Variants in CCN5 observed in about 807,000 individuals in gnomAD.
CCN5 encodes cellular communication network factor 5, also known as CCN family member 5.
In CCN5, 17 loss-of-function variants were observed where a neutral mutation model predicts 18.7. The observed-to-expected ratio is 0.91, with a 90% CI of 0.62 to 1.36. The LOEUF is 1.36. Ranked by LOEUF, CCN5 falls within the 40% of genes most tolerant of loss-of-function variation. CCN5 has a pLI of 0.00. For synonymous variants in CCN5, 135 were observed against 145.2 expected, an observed-to-expected ratio of 0.93 and a Z score of 0.50; for missense variants, 367 against 342.9, an observed-to-expected ratio of 1.07 and a Z score of -0.56.
intron 2 of CCN5, among the ~76,000 whole-genome samples, chr20:44,722,626 C>T (rs1368979686): frequency 6.6e-6 from 1 of 152,052 alleles, no homozygotes; most frequent in Non-Finnish European, 1.5e-5. Flanking sequence ...ACCACCATGC[C>T]TCGCTAATTT....
In CCN5 at chr20:44,727,083, CT is replaced by C. The variant is rs759496885; in HGVS notation, c.533-3del. 62 of 1,576,142 alleles carry C rather than the reference CT, an allele frequency of 3.9e-5. No homozygotes were observed. Among genetic ancestry groups the C allele is most frequent in the Non-Finnish European group, 4.7e-5 (54 of 1,158,696 alleles). On this transcript the variant is annotated splice_polypyrimidine_tract_variant and splice_region_variant and intron_variant, in intron 3 of 3. Coordinates refer to ENST00000190983, the MANE Select transcript of CCN5 (RefSeq NM_003881.4). ...AGTGCTAACTCTTGTTCTTTCCCCC[CT>C]AGGACCCCAGTTTTCTGGCCTTGTC...
In CCN5 at chr20:44,724,813, G is replaced by A; in HGVS notation, c.353G>A (p.Ser118Asn). The change falls in exon 3 of 4, where the codon AGC becomes AAC. Residue 118 changes from serine to asparagine, a missense_variant. Ser to Asn is a conservative substitution (Grantham distance 46). Coordinates refer to ENST00000190983, the MANE Select transcript of CCN5 (RefSeq NM_003881.4). ...GGGGAGACCTTCCAGCCCCACTGCAGCATCCGCTGCCGCTGCGAGGACGGC... is the reference window on the plus strand; with the variant it reads ...GGGGAGACCTTCCAGCCCCACTGCAACATCCGCTGCCGCTGCGAGGACGGC... ...REGETFQPHC[S>N]IRCRCEDGGF... 1 of 1,611,202 alleles carries A rather than the reference G, an allele frequency of 6.2e-7. No individual in the cohort carries two copies.
chr20:44,727,466 C>A lies in CCN5; in HGVS notation c.*159C>A. 1 of 1,434,278 alleles carries A rather than the reference C, an allele frequency of 7.0e-7. No homozygotes were observed. The allele number at this position is 1,434,278 out of a possible 1,614,324, so 88.8% of individuals were successfully genotyped here. A position where few individuals can be genotyped will look rare whatever the true frequency, so the allele number is the denominator to read the frequency against. On this transcript the variant is annotated 3_prime_UTR_variant, in exon 4 of 4. Transcript: ENST00000190983. The stretch of plus-strand genomic sequence containing the variant: ...GCAGAACACCAATATTAACACGCTG[C>A]CTGGTCTGTCTGGATCCCGAGGTAT...
At chr20:44,722,460 T>TCA (rs2065906259) in intron 2 of CCN5, among the ~76,000 whole-genome samples, 2 of 57,824 alleles carry the variant, frequency 3.5e-5, no homozygotes, top group Non-Finnish European at 1.2e-4. Context: ...TCTCTATCTC[T>TCA]CTCTCTTTTT....
At chr20:44,721,919 G>C (rs1048970722) in intron 2 of CCN5, among the ~76,000 whole-genome samples, 1 of 152,242 alleles carries the variant, frequency 6.6e-6, no homozygotes, top group African/African-American at 2.4e-5. Flanking sequence ...AACTCAGGGA[G>C]CTGGCTCCAC....
Position 44,720,126 on chromosome 20 carries a change from G to C in CCN5, c.277+13G>C. On this transcript the variant is annotated intron_variant, in intron 2 of 3. Transcript: ENST00000190983. ...GCCCTGTGCCTCTGTAAGCAGGTTT[G>C]CAGGACTGAGTGGGGGCGGGTGTGA... is the stretch of plus-strand genomic sequence containing the variant. The C allele has an allele frequency of 6.5e-7, 1 of 1,540,932 alleles. No homozygotes were observed.
chr20:44,723,834 G>A (rs898875918), intron 2 of CCN5: 1 of 152,244 alleles, frequency 6.6e-6, no homozygotes. Flanking sequence ...GGAATGATAA[G>A]GAGTAGGGCT....
chr20:44,721,880 C>T (rs1045769165), intron 2 of CCN5, among the ~76,000 whole-genome samples: 2 of 152,238 alleles, frequency 1.3e-5, no homozygotes, highest in African/African-American at 4.8e-5. Context: ...CAAGGTCACA[C>T]AGCTCATAAG....
intron 1 of CCN5, chr20:44,716,483 G>C (rs937530897): frequency 7.9e-5 from 12 of 152,432 alleles, no homozygotes; most frequent in African/African-American, 2.9e-4. Context: ...TCTTCCAAAG[G>C]GGATGGGTAG....
rs752252200 is a variant in CCN5 at position 44,727,201 on chromosome 20, T to C, written c.647T>C (p.Val216Ala). The C allele has an allele frequency of 5.0e-6, 8 of 1,613,558 alleles. No homozygotes were observed. Among genetic ancestry groups the C allele is most frequent in the Non-Finnish European group, 5.9e-6 (7 of 1,180,006 alleles). The change falls in exon 4 of 4, where the codon GTG (valine) becomes GCG (alanine). Residue 216 changes from valine (V) to alanine (A), a missense_variant. Physicochemically the swap from Val to Ala is moderately conservative, Grantham distance 64. Transcript: ENST00000190983. ...TTCGLGMATRVSNQNRFCRLE... is the reference protein window; with the variant it reads ...TTCGLGMATRASNQNRFCRLE... ...TGTGGGCTGGGCATGGCCACCCGGG[T>C]GTCCAACCAGAACCGCTTCTGCCGA...
chr20:44,720,011 C>T lies in CCN5; in HGVS notation c.175C>T (p.Arg59Trp), dbSNP rs369900184. ...TGGCTGCTGCCGGGTATGTGCACGG[C>T]GGCTGGGGGAGCCCTGCGACCAACT... The part of the protein sequence containing the change: ...GCGCCRVCAR[R>W]LGEPCDQLHV... The change falls in exon 2 of 4, where the codon CGG (arginine) becomes TGG (tryptophan). Residue 59 changes from arginine (R) to tryptophan (W), a missense_variant. Arg to Trp is a moderately radical substitution (Grantham distance 101). Coordinates refer to ENST00000190983, the MANE Select transcript of CCN5 (RefSeq NM_003881.4). The T allele has an allele frequency of 4.5e-5, 73 of 1,609,242 alleles. No homozygotes were observed. Among genetic ancestry groups the T allele is most frequent in the Admixed American group, 1.2e-4 (7 of 59,766 alleles).
At chr20:44,721,925 T>C (rs1481746339) in intron 2 of CCN5, among the ~76,000 whole-genome samples, 1 of 152,224 alleles carries the variant, frequency 6.6e-6, no homozygotes, top group Non-Finnish European at 1.5e-5. Flanking sequence ...GGGAGCTGGC[T>C]CCACAAGCTC....
Position 44,724,836 on chromosome 20 carries a change from G to C in CCN5, c.376G>C (p.Gly126Arg), listed in dbSNP as rs1165961240. The change falls in exon 3 of 4, where the codon GGC (glycine) becomes CGC (arginine). Residue 126 changes from glycine to arginine, a missense_variant. Gly to Arg is a moderately radical substitution (Grantham distance 125, BLOSUM62 -2). Coordinates refer to ENST00000190983, the MANE Select transcript of CCN5 (RefSeq NM_003881.4). Reference protein sequence around the residue: ...HCSIRCRCEDGGFTCVPLCSE... With the variant: ...HCSIRCRCEDRGFTCVPLCSE... ...CAGCATCCGCTGCCGCTGCGAGGAC[G>C]GCGGCTTCACCTGCGTGCCGCTGTG... is the stretch of plus-strand genomic sequence containing the variant. 3.1e-6 allele frequency: 5 copies of C among 1,603,986 alleles called. No homozygotes were observed. The highest frequency in any genetic ancestry group is 1.7e-5 in the Admixed American group (1 of 58,320).
chr20:44,715,573 T>A, intron 1 of CCN5, 123 bp downstream of exon 1: 6 of 1,079,588 alleles, frequency 5.6e-6, no homozygotes, highest in Non-Finnish European at 8.1e-6. Flanking sequence ...TTGGGCACAG[T>A]CTGGCCCCCA....
In CCN5 at chr20:44,719,972, G is replaced by A; in HGVS notation, c.136G>A (p.Val46Met). 3 of 1,613,686 alleles carry A rather than the reference G, an allele frequency of 1.9e-6. No individual in the cohort carries two copies. The highest frequency in any genetic ancestry group is 2.2e-5 in the South Asian group (2 of 91,054). Residue 46 changes from valine (V) to methionine (M), a missense_variant, in exon 2 of 4, where the codon GTG (valine) becomes ATG (methionine). Coordinates refer to ENST00000190983, the MANE Select transcript of CCN5 (RefSeq NM_003881.4). ...PPRCPLGVPL[V>M]LDGCGCCRVC... Reference sequence around the variant, plus strand: ...CCGATGCCCGCTGGGAGTACCCCTGGTGCTGGATGGCTGTGGCTGCTGCCG... The same window carrying A: ...CCGATGCCCGCTGGGAGTACCCCTGATGCTGGATGGCTGTGGCTGCTGCCG...
intron 1 of CCN5, among the ~76,000 whole-genome samples, chr20:44,718,192 C>T (rs2065873428): frequency 6.6e-6 from 1 of 152,154 alleles, no homozygotes; most frequent in Non-Finnish European, 1.5e-5. Context: ...CTTTGTGGCC[C>T]CCACCAGAGG....
At chr20:44,721,744 CCTTACCACGTGTAAGACA>C (rs2145415821) in intron 2 of CCN5, among the ~76,000 whole-genome samples, 1 of 152,228 alleles carries the variant, frequency 6.6e-6, no homozygotes, top group South Asian at 2.1e-4. Context: ...CTTGCACAGC[CCTTACCACGTGTAAGACA>C]CTGAGGGTTT....
intron 2 of CCN5, among the ~76,000 whole-genome samples, chr20:44,722,951 A>T (rs1008180528): frequency 6.6e-6 from 1 of 151,952 alleles, no homozygotes; most frequent in African/African-American, 2.4e-5. Flanking sequence ...TATTCACAAC[A>T]CAGCAGTCAG....
At chr20:44,718,607 C>T (rs2065876376) in intron 1 of CCN5, among the ~76,000 whole-genome samples, 1 of 152,174 alleles carries the variant, frequency 6.6e-6, no homozygotes, top group Admixed American at 6.5e-5. Flanking sequence ...GCCACATGGG[C>T]TGATACCCTG....
Sources: allele counts gnomAD v4.1 joint callset (sites outside exome capture counted in the v4.1 genomes callset), GRCh38; gene constraint gnomAD v4.1.1; transcripts MANE v1.5; gene names NCBI Gene and HGNC (gene_info 2026-07-23, HGNC 2026-07-21).